DOCK7: variants seen among roughly 807,000 people sequenced by gnomAD.
DOCK7 encodes dedicator of cytokinesis protein 7.
In DOCK7, 138 loss-of-function variants were observed where a neutral mutation model predicts 271.0. The ratio of observed to expected loss-of-function variants is 0.51; its 90% confidence interval spans 0.44 to 0.59. The LOEUF is 0.59. DOCK7 is among the 20% of genes least tolerant of loss of function. The pLI, the probability that DOCK7 is intolerant of heterozygous loss-of-function variation, is 0.00. For missense variants in DOCK7, 2,066 were observed against 2,592.4 expected (o/e 0.80, Z 4.41); for synonymous variants, 823 against 876.1 (o/e 0.94, Z 1.07).
At chr1:62,547,023 C>T (rs1442739979) in intron 22 of DOCK7, among the ~76,000 whole-genome samples, 1 of 152,030 alleles carries the variant, frequency 6.6e-6, no homozygotes, top group Non-Finnish European at 1.5e-5. Context: ...TGAATTTCCA[C>T]AAAAAGAATA....
chr1:62,611,391 C>T (rs1045641062), intron 14 of DOCK7, among the ~76,000 whole-genome samples: 7 of 152,118 alleles, frequency 4.6e-5, no homozygotes, highest in Non-Finnish European at 1.0e-4. Context: ...TTTATACTCA[C>T]GGTTGAGCGA....
rs942316059 is a variant in DOCK7 at position 62,505,835 on chromosome 1, C to T, written c.4477-19G>A. 1 of 1,605,330 alleles carries T rather than the reference C, an allele frequency of 6.2e-7. No individual in the cohort carries two copies. The highest frequency in any genetic ancestry group is 2.2e-5 in the East Asian group (1 of 44,622). ...AAACGGTCTGCAATTTAAAAATAAACAAATAAAATAGAGATGTACTTGCAA... is the reference window on the plus strand; with the variant it reads ...AAACGGTCTGCAATTTAAAAATAAATAAATAAAATAGAGATGTACTTGCAA... On this transcript the variant is annotated intron_variant, in intron 35 of 49. Transcript: ENST00000635253.
chr1:62,584,837 G>A (rs983357541), intron 15 of DOCK7: 1 of 722,850 alleles, frequency 1.4e-6, no homozygotes, highest in African/African-American at 1.7e-5. Flanking sequence ...ACCAAAGAGG[G>A]AGAGGTCTAA....
intron 2 of DOCK7, among the ~76,000 whole-genome samples, chr1:62,660,377 T>C (rs575932794): frequency 6.6e-6 from 1 of 152,214 alleles, no homozygotes; most frequent in East Asian, 1.9e-4. Context: ...TAAATGAAAA[T>C]ACAACATAAA....
At chr1:62,593,266 T>A (rs184638437) in intron 14 of DOCK7, among the ~76,000 whole-genome samples, 22 of 152,230 alleles carry the variant, frequency 1.4e-4, no homozygotes, top group African/African-American at 5.1e-4. Flanking sequence ...TCACAATAAG[T>A]ACTTTGCACA....
intron 41 of DOCK7, among the ~76,000 whole-genome samples, chr1:62,489,813 A>G (rs1646406689): frequency 6.6e-6 from 1 of 152,212 alleles, no homozygotes; most frequent in South Asian, 2.1e-4. Context: ...ACAGATACCC[A>G]ATTCTCCTAT....
intron 16 of DOCK7, among the ~76,000 whole-genome samples, chr1:62,582,146 G>A (rs1474670081): frequency 5.3e-5 from 8 of 152,310 alleles, no homozygotes; most frequent in Non-Finnish European, 7.3e-5. Context: ...CGTCAAGTTG[G>A]ATAGTCTTGA....
At chr1:62,641,814 G>C (rs1656064813) in intron 7 of DOCK7, 1 of 232,618 alleles carries the variant, frequency 4.3e-6, no homozygotes. Flanking sequence ...TTATCAATAT[G>C]TGTTGACCCT....
At position 62,539,854 on chromosome 1, in the gene DOCK7, T is replaced by G; in HGVS notation, c.3084A>C (p.Lys1028Asn). Residue 1028 changes from lysine to asparagine, a missense_variant, in exon 26 of 50, where the codon AAA (lysine) becomes AAC (asparagine). Physicochemically the swap from Lys to Asn is moderately conservative, Grantham distance 94. Around this residue, in one of 2 missense-constraint regions of DOCK7, gnomAD observed 1,414 missense variants for 1,670.4 expected, o/e 0.85. Coordinates refer to ENST00000635253, the MANE Select transcript of DOCK7 (RefSeq NM_001367561.1). ...SMVHHLYFND[K>N]LEAPRKSRFP... ...AACGACTTTTCCTTGGAGCCTCAAG[T>G]TTATCATTAAAGTATAAATGGTGCA... The G allele has an allele frequency of 6.2e-7, 1 of 1,613,140 alleles. No homozygotes were observed. Among genetic ancestry groups the G allele is most frequent in the Non-Finnish European group, 8.5e-7 (1 of 1,179,440 alleles).
At position 62,653,764 on chromosome 1, in the gene DOCK7, A is replaced by C; in HGVS notation, c.350T>G (p.Ile117Arg). The change falls in exon 4 of 50, where the codon ATA (isoleucine) becomes AGA (arginine). Residue 117 changes from isoleucine (I) to arginine (R), a missense_variant. Coordinates refer to ENST00000635253, the MANE Select transcript of DOCK7 (RefSeq NM_001367561.1). ...SEMDPHVRDC[I>R]RSYTEDWAIV... ...TGCCCAGTCTTCTGTATAACTTCTT[A>C]TACAGTCTCTAACATGTGGATCCAT... 6.3e-7 allele frequency: 1 copy of C among 1,597,216 alleles called. No homozygotes were observed. Among genetic ancestry groups the C allele is most frequent in the Non-Finnish European group, 8.6e-7 (1 of 1,165,258 alleles).
intron 37 of DOCK7, among the ~76,000 whole-genome samples, chr1:62,497,774 C>T (rs1453371025): frequency 6.6e-6 from 1 of 152,166 alleles, no homozygotes; most frequent in African/African-American, 2.4e-5. Context: ...TTCCTCCTCT[C>T]CTTAAAATGC....
intron 48 of DOCK7, among the ~76,000 whole-genome samples, chr1:62,467,925 T>C (rs1214718086): frequency 6.6e-6 from 1 of 152,208 alleles, no homozygotes; most frequent in Non-Finnish European, 1.5e-5. Flanking sequence ...GTGAGTTTCA[T>C]GTCAGGGATG....
intron 29 of DOCK7, among the ~76,000 whole-genome samples, chr1:62,533,407 GT>G (rs1645238642): frequency 6.7e-6 from 1 of 148,594 alleles, no homozygotes; most frequent in African/African-American, 2.4e-5. Context: ...TTTTTAGAGT[GT>G]TTTTTCCCCA....
intron 14 of DOCK7, among the ~76,000 whole-genome samples, chr1:62,588,618 T>C (rs922252908): frequency 6.6e-6 from 1 of 152,212 alleles, no homozygotes; most frequent in African/African-American, 2.4e-5. Flanking sequence ...TAGAATTTTT[T>C]TCAGGAAGAT....
intron 20 of DOCK7, 51 bp from the exon 21 acceptor site, chr1:62,556,040 T>A: frequency 6.4e-7 from 1 of 1,560,036 alleles, no homozygotes; most frequent in Non-Finnish European, 8.8e-7. Flanking sequence ...TTTTAGACTG[T>A]AAATTCCACG....
At chr1:62,560,516 T>C (rs1446912660) in intron 19 of DOCK7, among the ~76,000 whole-genome samples, 1 of 152,054 alleles carries the variant, frequency 6.6e-6, no homozygotes, top group African/African-American at 2.4e-5. Flanking sequence ...CCCAAAAGTA[T>C]TTCTCTCATG....
At chr1:62,598,455 C>T (rs996166998) in intron 14 of DOCK7, among the ~76,000 whole-genome samples, 2 of 151,894 alleles carry the variant, frequency 1.3e-5, no homozygotes, top group African/African-American at 4.8e-5. Context: ...TGAAAATATG[C>T]TGGGCTTTTT....
At position 62,574,453 on chromosome 1, in the gene DOCK7, T is replaced by C. The variant is rs148015742; in HGVS notation, c.2112+2809A>G. Among the ~76,000 whole-genome samples, 1,498 of 151,564 alleles carry C rather than the reference T, an allele frequency of 9.9e-3. 16 individuals carry two copies. Among genetic ancestry groups the C allele is most frequent in the Middle Eastern group, 0.024 (7 of 294 alleles). On this transcript the variant is annotated intron_variant, in intron 18 of 49. Coordinates refer to ENST00000635253, the MANE Select transcript of DOCK7 (RefSeq NM_001367561.1). ...AAAGGAAAAAAAAAAGTGAGGGGTA[T>C]AGATTTCCAAGGAGAAACTCACAAG... is the stretch of plus-strand genomic sequence containing the variant.
intron 37 of DOCK7, among the ~76,000 whole-genome samples, chr1:62,498,523 T>C (rs1345459250): frequency 6.6e-6 from 1 of 152,180 alleles, no homozygotes; most frequent in South Asian, 2.1e-4. Flanking sequence ...TCTACTGCTA[T>C]GTTTTACTTA....
Sources: allele counts gnomAD v4.1 joint callset (sites outside exome capture counted in the v4.1 genomes callset), GRCh38; gene constraint gnomAD v4.1.1; regional missense constraint gnomAD v4.1.1; transcripts MANE v1.5; gene names NCBI Gene and HGNC (gene_info 2026-07-23, HGNC 2026-07-21).